The following RAP1GAP2 variants were observed in gnomAD, a reference collection of about 807,000 sequenced individuals.
RAP1GAP2 encodes the protein rap1 GTPase-activating protein 2.
A neutral mutation model predicts 95.0 loss-of-function variants in RAP1GAP2; 27 were observed. That is an observed-to-expected ratio of 0.28 (90% CI 0.21 to 0.39). The LOEUF (loss-of-function observed/expected upper bound fraction) is 0.39, where lower values mean the gene tolerates loss of function less well. RAP1GAP2 is among the 10% of genes least tolerant of loss of function. The pLI, the probability that RAP1GAP2 is intolerant of heterozygous loss-of-function variation, is 1.00. For missense variants in RAP1GAP2, 771 were observed against 970.0 expected (o/e 0.79, Z 2.72); for synonymous variants, 373 against 380.9 (o/e 0.98, Z 0.24).
chr17:2,852,044 G>GTCC (rs2151595241), intron 2 of RAP1GAP2, among the ~76,000 whole-genome samples: 1 of 152,320 alleles, frequency 6.6e-6, no homozygotes, highest in Admixed American at 6.5e-5. Context: ...AACTGAAGCG[G>GTCC]TCCATCAGCT....
chr17:2,931,256 A>C (rs573799778), intron 3 of RAP1GAP2, among the ~76,000 whole-genome samples: 1 of 148,038 alleles, frequency 6.8e-6, no homozygotes, highest in African/African-American at 2.6e-5. Flanking sequence ...CTAGGCGTGT[A>C]TGTTTGCCAT....
At chr17:2,811,556 C>T (rs1437894221) in intron 2 of RAP1GAP2, among the ~76,000 whole-genome samples, 2 of 152,098 alleles carry the variant, frequency 1.3e-5, no homozygotes, top group African/African-American at 4.8e-5. Context: ...GCTGGAAATC[C>T]GTTTCTTTGT....
At chr17:3,018,543 T>A (rs1474986754) in intron 18 of RAP1GAP2, among the ~76,000 whole-genome samples, 1 of 152,138 alleles carries the variant, frequency 6.6e-6, no homozygotes, top group East Asian at 1.9e-4. Context: ...TCGGGACCCA[T>A]GACTGTGAGA....
rs1313476355 is a variant in RAP1GAP2 at position 3,035,019 on chromosome 17, A to T, written c.*1658A>T. Reference sequence around the variant, plus strand: ...TAACTGACATTGTGAAATTCTCCCTATAGCTTTTGCCATTCAAGCAACATT... The same window carrying T: ...TAACTGACATTGTGAAATTCTCCCTTTAGCTTTTGCCATTCAAGCAACATT... On this transcript the variant is annotated 3_prime_UTR_variant, in exon 25 of 25. Transcript: ENST00000254695. This position sits in a 1 kb window ranked among gnomAD's most constrained non-coding sequence, Gnocchi z 4.3. 6.9e-6 allele frequency: 1 copy of T among 144,410 alleles called. No individual in the cohort carries two copies. Among genetic ancestry groups the T allele is most frequent in the African/African-American group, 2.6e-5 (1 of 37,892 alleles). The allele number at this position is 144,410 out of a possible 1,614,324, so 8.9% of individuals were successfully genotyped here.
intron 2 of RAP1GAP2, among the ~76,000 whole-genome samples, chr17:2,822,618 TTTTTTTTTG>T (rs1232537333): frequency 1.6e-5 from 2 of 127,988 alleles, no homozygotes; most frequent in South Asian, 2.8e-4. Context: ...TAAAACCCTG[TTTTTTTTTG>T]TTTTTTTTTT....
chr17:2,792,270 G>A (rs1031439187), upstream of RAP1GAP2, among the ~76,000 whole-genome samples: 2 of 152,224 alleles, frequency 1.3e-5, no homozygotes, highest in Non-Finnish European at 2.9e-5. Context: ...TCAAGAAGCT[G>A]CGCGGGACTG....
chr17:3,025,900 G>A (rs2047095377), intron 19 of RAP1GAP2, 108 bp from the exon 20 acceptor site: 2 of 795,588 alleles, frequency 2.5e-6, no homozygotes, highest in Non-Finnish European at 4.2e-6. Flanking sequence ...GGGGCGCTCT[G>A]ACCCCACTGC....
At chr17:2,818,096 A>G (rs1316675123) in intron 2 of RAP1GAP2, among the ~76,000 whole-genome samples, 1 of 151,786 alleles carries the variant, frequency 6.6e-6, no homozygotes. Context: ...TCGGCCTCCT[A>G]AAGTGCTGGG....
intron 2 of RAP1GAP2, among the ~76,000 whole-genome samples, chr17:2,770,857 A>G (rs981190480): frequency 6.6e-6 from 1 of 152,128 alleles, no homozygotes; most frequent in Admixed American, 6.6e-5. Context: ...CCTGGCCAAC[A>G]TGGTGAAAAC....
chr17:2,840,087 T>G (rs895247441), intron 2 of RAP1GAP2, among the ~76,000 whole-genome samples: 4 of 152,088 alleles, frequency 2.6e-5, no homozygotes, highest in African/African-American at 9.7e-5. Context: ...CTGTTGATGT[T>G]GGCCTTGGTC....
At chr17:2,770,077 CAA>C (rs533020473) in intron 1 of RAP1GAP2, among the ~76,000 whole-genome samples, 25 of 98,100 alleles carry the variant, frequency 2.5e-4, no homozygotes, top group African/African-American at 5.2e-4. Context: ...GGTCTCAAAA[CAA>C]AAAAAAAAAA....
chr17:3,002,908 G>A (rs943711928), intron 14 of RAP1GAP2, among the ~76,000 whole-genome samples: 1 of 152,186 alleles, frequency 6.6e-6, no homozygotes, highest in African/African-American at 2.4e-5. Flanking sequence ...GTGTGTGTGT[G>A]TGTGGTGGGT....
chr17:3,007,954 C>G, intron 16 of RAP1GAP2, 57 bp from the exon 17 acceptor site: 1 of 1,583,710 alleles, frequency 6.3e-7, no homozygotes, highest in South Asian at 1.1e-5. Flanking sequence ...TCACAAGGAG[C>G]AGGCACATCT....
At chr17:2,967,579 T>C (rs886429090) in intron 8 of RAP1GAP2, among the ~76,000 whole-genome samples, 2 of 151,990 alleles carry the variant, frequency 1.3e-5, no homozygotes. Flanking sequence ...CCCAGCAAGC[T>C]CAAATGTGGC....
rs1331114002 is a variant in RAP1GAP2 at position 2,964,053 on chromosome 17, G to A, written c.477G>A (p.Arg159=). 3 of 1,610,014 alleles carry A rather than the reference G, an allele frequency of 1.9e-6. No homozygotes were observed. Among genetic ancestry groups the A allele is most frequent in the East Asian group, 2.2e-5 (1 of 44,744 alleles). Residue 159 remains arginine, a synonymous_variant, in exon 7 of 25, where the codon AGG becomes AGA. Transcript: ENST00000254695. ...AGGGTGAAGCCAGGGCCTACCGGAG[G>A]CACTTCCTGGGGAAGGTGAGGCTGG... The part of the protein sequence containing the change: ...ECKGEARAYR[R]HFLGKDHLNF...
At chr17:2,967,232 G>C (rs534956422) in intron 8 of RAP1GAP2, among the ~76,000 whole-genome samples, 1 of 152,074 alleles carries the variant, frequency 6.6e-6, no homozygotes, top group Non-Finnish European at 1.5e-5. Flanking sequence ...TTAGCTGGGC[G>C]TGGTGGCGGG....
Position 2,906,193 on chromosome 17 carries a change from C to T in RAP1GAP2, c.165+825C>T, listed in dbSNP as rs939703287. 2.6e-5 allele frequency among the ~76,000 whole-genome samples: 4 copies of T among 152,114 alleles called. No individual in the cohort carries two copies. Among genetic ancestry groups the T allele is most frequent in the Non-Finnish European group, 5.9e-5 (4 of 68,018 alleles). ...TGAGTCATCTGAGGGGACATCTAGG[C>T]CAGCTCCTCTCTGTCCTGGGGCTGT... On this transcript the variant is annotated intron_variant, in intron 3 of 24. Transcript: ENST00000254695. The surrounding 1 kb of genome is among the most constrained non-coding windows in gnomAD (Gnocchi z 4.3).
chr17:2,758,740 T>C (rs1303370819), intron 1 of RAP1GAP2, among the ~76,000 whole-genome samples: 1 of 152,132 alleles, frequency 6.6e-6, no homozygotes, highest in Non-Finnish European at 1.5e-5. Flanking sequence ...CACTTGTAAA[T>C]TGTAGAAATC....
rs144515725 is a variant in RAP1GAP2, at chr17:2,969,252, A to G, written c.596+3609A>G. 1.3e-4 allele frequency among the ~76,000 whole-genome samples: 19 copies of G among 151,618 alleles called. No homozygotes were observed. In the East Asian group the frequency reaches 1.5e-3, roughly 12 times the overall value. The stretch of plus-strand genomic sequence containing the variant: ...CTCTAACAGATTTTACTTCTTTTCA[A>G]TTGCCTTTGGAATATTTACACAAAT... On this transcript the variant is annotated intron_variant, in intron 8 of 24. Transcript: ENST00000254695.
Sources: allele counts gnomAD v4.1 joint callset (sites outside exome capture counted in the v4.1 genomes callset), GRCh38; gene constraint gnomAD v4.1.1; non-coding constraint Gnocchi (gnomAD v3.1); transcripts MANE v1.5; gene names NCBI Gene and HGNC (gene_info 2026-07-23, HGNC 2026-07-21).